The following PRKACB variants were observed in gnomAD, a reference collection of about 807,000 sequenced individuals.
The protein encoded by PRKACB is protein kinase cAMP-activated catalytic subunit beta.
In PRKACB, 16 loss-of-function variants were observed where a neutral mutation model predicts 51.4. That is an observed-to-expected ratio of 0.31 (90% confidence interval 0.21 to 0.47). The LOEUF (loss-of-function observed/expected upper bound fraction) is 0.47. Among genes scored for constraint, PRKACB ranks in the 20% least tolerant of loss-of-function variants. PRKACB has a pLI of 1.00. For synonymous variants in PRKACB, 147 were observed against 154.4 expected (o/e 0.95, Z 0.35); for missense variants, 309 against 464.5 (o/e 0.67, Z 3.08).
At chr1:84,156,939 G>A (rs896527585) in intron 1 of PRKACB, among the ~76,000 whole-genome samples, 1 of 152,074 alleles carries the variant, frequency 6.6e-6, no homozygotes, top group African/African-American at 2.4e-5. Context: ...GGCCTCTGTA[G>A]TCACTTGGAT....
intron 1 of PRKACB, among the ~76,000 whole-genome samples, chr1:84,107,899 A>G (rs139187938): frequency 1.3e-5 from 2 of 152,326 alleles, no homozygotes; most frequent in African/African-American, 4.8e-5. Context: ...AATTAGTTCA[A>G]CCATTGTGGA....
intron 9 of PRKACB, among the ~76,000 whole-genome samples, chr1:84,223,401 C>T (rs1250734795): frequency 4.3e-5 from 6 of 138,330 alleles, no homozygotes; most frequent in Middle Eastern, 4.2e-3. Context: ...TGGTGTCTCG[C>T]TCTGTCGCCC....
intron 1 of PRKACB, among the ~76,000 whole-genome samples, chr1:84,097,608 T>C (rs1649023429): frequency 6.6e-6 from 1 of 151,904 alleles, no homozygotes; most frequent in Non-Finnish European, 1.5e-5. Flanking sequence ...GGCTGATAAG[T>C]CATATAATCA....
chr1:84,185,933 G>A (rs1185362992), intron 5 of PRKACB, among the ~76,000 whole-genome samples: 1 of 152,150 alleles, frequency 6.6e-6, no homozygotes, highest in Non-Finnish European at 1.5e-5. Context: ...ATTGCAGTTT[G>A]AGGCATATAC....
chr1:84,214,375 T>C, intron 9 of PRKACB, 58 bp downstream of exon 9: 2 of 1,416,758 alleles, frequency 1.4e-6, no homozygotes. Context: ...AAATTATATG[T>C]GGTGGAGATA....
At chr1:84,156,799 A>G (rs1655556672) in intron 1 of PRKACB, among the ~76,000 whole-genome samples, 1 of 152,196 alleles carries the variant, frequency 6.6e-6, no homozygotes, top group South Asian at 2.1e-4. Flanking sequence ...ACCATTGGAG[A>G]AACTGATTTC....
chr1:84,095,525 A>G (rs1648861265), intron 1 of PRKACB, among the ~76,000 whole-genome samples: 1 of 151,774 alleles, frequency 6.6e-6, no homozygotes, highest in Non-Finnish European at 1.5e-5. Flanking sequence ...GTGTTGCTTT[A>G]TGAAGGTAGT....
chr1:84,155,805 G>A (rs1156600002), intron 1 of PRKACB, among the ~76,000 whole-genome samples: 1 of 152,208 alleles, frequency 6.6e-6, no homozygotes, highest in East Asian at 1.9e-4. Flanking sequence ...AGACAAATAA[G>A]TTGTCATCTT....
At chr1:84,158,622 G>T (rs966783808) in intron 1 of PRKACB, among the ~76,000 whole-genome samples, 1 of 151,562 alleles carries the variant, frequency 6.6e-6, no homozygotes, top group Non-Finnish European at 1.5e-5. Flanking sequence ...TCTGTCTTAT[G>T]TTGTCATTTT....
At chr1:84,171,942 A>G (rs1659640759) in intron 1 of PRKACB, among the ~76,000 whole-genome samples, 1 of 151,718 alleles carries the variant, frequency 6.6e-6, no homozygotes, top group Non-Finnish European at 1.5e-5. Flanking sequence ...AGTGCTAAAG[A>G]ACCTAGGTAT....
At chr1:84,107,990 G>A (rs1244411997) in intron 1 of PRKACB, among the ~76,000 whole-genome samples, 1 of 152,072 alleles carries the variant, frequency 6.6e-6, no homozygotes, top group Non-Finnish European at 1.5e-5. Context: ...ATATCCTGAG[G>A]AATAGAAATC....
intron 1 of PRKACB, among the ~76,000 whole-genome samples, chr1:84,093,484 G>A (rs1648680233): frequency 6.6e-6 from 1 of 151,928 alleles, no homozygotes; most frequent in African/African-American, 2.4e-5. Context: ...GTCTATTTTA[G>A]TGTCAGTACA....
intron 1 of PRKACB, among the ~76,000 whole-genome samples, chr1:84,165,638 G>A (rs551860763): frequency 6.6e-6 from 1 of 151,554 alleles, no homozygotes; most frequent in East Asian, 1.9e-4. Flanking sequence ...AGTCTTTTTT[G>A]TTATAATGTG....
At chr1:84,117,193 A>G (rs961120460) in intron 1 of PRKACB, among the ~76,000 whole-genome samples, 5 of 151,920 alleles carry the variant, frequency 3.3e-5, no homozygotes, top group Non-Finnish European at 4.4e-5. Flanking sequence ...TTGATGTGCT[A>G]TTGGATTTGG....
At chr1:84,129,943 G>A (rs1652004231) in intron 1 of PRKACB, among the ~76,000 whole-genome samples, 1 of 152,172 alleles carries the variant, frequency 6.6e-6, no homozygotes, top group Non-Finnish European at 1.5e-5. Flanking sequence ...GCTCACGCCT[G>A]TAATCCCAGC....
At chr1:84,134,338 G>T in intron 1 of PRKACB, among the ~76,000 whole-genome samples, 1 of 117,646 alleles carries the variant, frequency 8.5e-6, no homozygotes, top group African/African-American at 2.8e-5. Flanking sequence ...TTGAGGATGG[G>T]GCCTTCGCTG....
chr1:84,096,668 T>C (rs1158724105), intron 1 of PRKACB, among the ~76,000 whole-genome samples: 1 of 152,102 alleles, frequency 6.6e-6, no homozygotes, highest in Non-Finnish European at 1.5e-5. Context: ...TCTACCAATA[T>C]TTATGTTATT....
At chr1:84,225,613 G>A (rs1249985682) in intron 9 of PRKACB, among the ~76,000 whole-genome samples, 1 of 152,124 alleles carries the variant, frequency 6.6e-6, no homozygotes, top group Non-Finnish European at 1.5e-5. Flanking sequence ...AGCTTCTTGG[G>A]TCCTGGGGGT....
At chr1:84,234,693 A>T (rs1246118580) in intron 9 of PRKACB, among the ~76,000 whole-genome samples, 1 of 151,982 alleles carries the variant, frequency 6.6e-6, no homozygotes, top group Non-Finnish European at 1.5e-5. Flanking sequence ...GCCGTCTGTC[A>T]CCCCTTTCTT....
Sources: gnomAD v4.1 joint callset for allele counts (sites outside exome capture counted in the v4.1 genomes callset) on GRCh38, gnomAD v4.1.1 for gene constraint, MANE v1.5 for transcripts, NCBI Gene and HGNC (gene_info 2026-07-23, HGNC 2026-07-21) for gene names.